ETV5: variants seen among roughly 807,000 people sequenced by gnomAD.
The protein encoded by ETV5 is ETS variant transcription factor 5.
A neutral mutation model predicts 70.0 loss-of-function variants in ETV5; 10 were observed. That is an observed-to-expected ratio of 0.14 (90% CI 0.09 to 0.24). The LOEUF is 0.24. Ranked by LOEUF, ETV5 falls within the 10% of genes least tolerant of loss-of-function variation. The pLI, the probability that ETV5 is intolerant of heterozygous loss-of-function variation, is 1.00. For missense variants in ETV5, 453 were observed against 651.2 expected, an observed-to-expected ratio of 0.70 and a Z score of 3.31; for synonymous variants, 216 against 242.2, an observed-to-expected ratio of 0.89 and a Z score of 1.01.
rs375446685 is a variant in ETV5 at position 186,105,540 on chromosome 3, G to A, written c.134-44C>T. ...ACCCCAGAATGAGGATATTTCTTTC[G>A]CTAGGGAGAAGACAGGGAAGAATCT... is the stretch of plus-strand genomic sequence containing the variant. On this transcript the variant is annotated intron_variant, in intron 3 of 12. Coordinates refer to ENST00000306376, the MANE Select transcript of ETV5 (RefSeq NM_004454.3). The surrounding 1 kb of genome is among the most constrained non-coding windows in gnomAD (Gnocchi z 4.5). 2.5e-6 allele frequency: 4 copies of A among 1,612,120 alleles called. No individual in the cohort carries two copies. The highest frequency in any genetic ancestry group is 2.2e-5 in the East Asian group (1 of 44,856).
chr3:186,057,395 G>T lies in ETV5; in HGVS notation c.1039+28C>A. ...TCTGACACCTCCAAACCTCTACCTGGCAACAAACCTTGGATGGGGCTACTT... is the reference window on the plus strand; with the variant it reads ...TCTGACACCTCCAAACCTCTACCTGTCAACAAACCTTGGATGGGGCTACTT... On this transcript the variant is annotated intron_variant, in intron 10 of 12. Transcript: ENST00000306376. This position sits in a 1 kb window ranked among gnomAD's most constrained non-coding sequence, Gnocchi z 4.9. The T allele has an allele frequency of 6.2e-7, 1 of 1,612,628 alleles. No individual in the cohort carries two copies. Among genetic ancestry groups the T allele is most frequent in the Non-Finnish European group, 8.5e-7 (1 of 1,178,658 alleles).
rs1206939356 is a variant in ETV5, at chr3:186,048,196, C to T, written c.*443G>A. The T allele has an allele frequency of 8.1e-6, 2 of 246,790 alleles. No homozygotes were observed. Among genetic ancestry groups the T allele is most frequent in the Admixed American group, 5.1e-5 (1 of 19,762 alleles). 15.3% of individuals were successfully genotyped at this position (246,790 alleles called of 1,614,324 possible). On this transcript the variant is annotated 3_prime_UTR_variant, in exon 13 of 13. Coordinates refer to ENST00000306376, the MANE Select transcript of ETV5 (RefSeq NM_004454.3). ...ATGGTTTGAGCCTCCCCAACTTAGCCTACTTACTTTTCTATGGGTTTGTGA... is the reference window on the plus strand; with the variant it reads ...ATGGTTTGAGCCTCCCCAACTTAGCTTACTTACTTTTCTATGGGTTTGTGA...
intron 1 of ETV5, among the ~76,000 whole-genome samples, chr3:186,107,918 T>A (rs1462874954): frequency 6.7e-6 from 1 of 148,220 alleles, no homozygotes; most frequent in African/African-American, 2.5e-5. Flanking sequence ...CGCCCCCATT[T>A]CCAACGCACG....
chr3:186,101,360 C>G (rs527867160), intron 5 of ETV5, among the ~76,000 whole-genome samples: 5 of 152,294 alleles, frequency 3.3e-5, no homozygotes, highest in African/African-American at 1.2e-4. Flanking sequence ...CTACTCGCTT[C>G]AACTGTAACC....
intron 1 of ETV5, among the ~76,000 whole-genome samples, chr3:186,106,607 G>A (rs975748037): frequency 1.3e-5 from 2 of 152,126 alleles, no homozygotes; most frequent in Non-Finnish European, 2.9e-5. Context: ...TTCTAAAAGA[G>A]TAAAATGTCT....
chr3:186,057,574 C>T lies in ETV5; in HGVS notation c.971-83G>A, dbSNP rs1713196956. 4.3e-6 allele frequency: 5 copies of T among 1,157,306 alleles called. No homozygotes were observed. Among genetic ancestry groups the T allele is most frequent in the Middle Eastern group, 2.1e-4 (1 of 4,842 alleles). The allele number at this position is 1,157,306 out of a possible 1,614,324, so 71.7% of individuals were successfully genotyped here. On this transcript the variant is annotated intron_variant, in intron 9 of 12. Coordinates refer to ENST00000306376, the MANE Select transcript of ETV5 (RefSeq NM_004454.3). The surrounding 1 kb of genome is among the most constrained non-coding windows in gnomAD (Gnocchi z 4.9). ...AACTATGGATTTAAGGACTAGAGTG[C>T]AATCCTATCATTTCAGATCCTAAGT...
Position 186,050,245 on chromosome 3 carries a change from G to A in ETV5, c.1312-1385C>T, listed in dbSNP as rs1463588410. ...ATACAGCTAACAAATTGAAGTGTTA[G>A]GATCTGAGCCCACGAAGCCTCATTC... On this transcript the variant is annotated intron_variant, in intron 12 of 12. Coordinates refer to ENST00000306376, the MANE Select transcript of ETV5 (RefSeq NM_004454.3). Among the ~76,000 whole-genome samples the A allele has an allele frequency of 2.0e-5, 3 of 152,138 alleles. No homozygotes were observed. In the East Asian group the frequency reaches 5.8e-4, roughly 29 times the overall value.
At chr3:186,066,126 A>G in intron 7 of ETV5, 54 bp from the exon 8 acceptor site, 10 of 1,484,232 alleles carry the variant, frequency 6.7e-6, no homozygotes, top group African/African-American at 1.4e-5. Context: ...AATTCCTACT[A>G]TGATTGAGCA....
At chr3:186,092,420 T>C (rs984341777) in intron 5 of ETV5, among the ~76,000 whole-genome samples, 3 of 151,874 alleles carry the variant, frequency 2.0e-5, no homozygotes, top group African/African-American at 7.3e-5. Flanking sequence ...CCCACCTGGG[T>C]TTCATTTTAC....
At chr3:186,077,747 C>T (rs1192314856) in intron 7 of ETV5, among the ~76,000 whole-genome samples, 1 of 152,202 alleles carries the variant, frequency 6.6e-6, no homozygotes, top group African/African-American at 2.4e-5. Context: ...TGTGCACTTT[C>T]AACTTTGAGA....
chr3:186,055,577 G>A (rs1713140010), intron 11 of ETV5, among the ~76,000 whole-genome samples: 1 of 152,206 alleles, frequency 6.6e-6, no homozygotes, highest in African/African-American at 2.4e-5. Flanking sequence ...CCATTCTCGT[G>A]AGTGAATATA....
chr3:186,071,804 C>T (rs985183390), intron 7 of ETV5, among the ~76,000 whole-genome samples: 31 of 149,874 alleles, frequency 2.1e-4, no homozygotes, highest in African/African-American at 7.1e-4. Context: ...AACCTGTAAC[C>T]GTTTCACCGT....
intron 7 of ETV5, among the ~76,000 whole-genome samples, chr3:186,073,715 C>T (rs926013969): frequency 6.6e-6 from 1 of 152,084 alleles, no homozygotes; most frequent in Non-Finnish European, 1.5e-5. Flanking sequence ...CAAATCAGAA[C>T]CTGTGCAATG....
chr3:186,097,306 GAAGGCA>G (rs1393003826), intron 5 of ETV5, among the ~76,000 whole-genome samples: 1 of 152,154 alleles, frequency 6.6e-6, no homozygotes, highest in Non-Finnish European at 1.5e-5. Context: ...AAACAGGAGT[GAAGGCA>G]AAGGAGTAGA....
At chr3:186,059,346 A>T (rs1198904521) in intron 9 of ETV5, among the ~76,000 whole-genome samples, 2 of 152,180 alleles carry the variant, frequency 1.3e-5, no homozygotes, top group Non-Finnish European at 2.9e-5. Context: ...GCTAGAAGGG[A>T]GTAGGTAGCC....
At chr3:186,062,388 C>G (rs200965520) in intron 9 of ETV5, among the ~76,000 whole-genome samples, 4 of 152,110 alleles carry the variant, frequency 2.6e-5, no homozygotes, top group Admixed American at 6.5e-5. Context: ...CTTGGGAGGC[C>G]GAGGCGGGCA....
intron 12 of ETV5, among the ~76,000 whole-genome samples, chr3:186,050,679 C>A (rs905763144): frequency 3.3e-5 from 5 of 152,168 alleles, no homozygotes; most frequent in African/African-American, 1.2e-4. Context: ...AACTCTGTAT[C>A]AAGCACTGAA....
chr3:186,065,463 G>A (rs937480939), intron 8 of ETV5, among the ~76,000 whole-genome samples: 2 of 152,134 alleles, frequency 1.3e-5, no homozygotes, highest in African/African-American at 2.4e-5. Flanking sequence ...ACCAACTGGT[G>A]CCTGAATAGA....
At chr3:186,050,175 A>G (rs1021267060) in intron 12 of ETV5, among the ~76,000 whole-genome samples, 3 of 152,192 alleles carry the variant, frequency 2.0e-5, no homozygotes, top group African/African-American at 7.2e-5. Context: ...CTATATTTTT[A>G]TTAGAAATAG....
Sources: gnomAD v4.1 joint callset for allele counts (sites outside exome capture counted in the v4.1 genomes callset) on GRCh38, gnomAD v4.1.1 for gene constraint, Gnocchi (gnomAD v3.1) non-coding constraint, MANE v1.5 for transcripts, NCBI Gene and HGNC (gene_info 2026-07-23, HGNC 2026-07-21) for gene names.